Variants in DIAPH3 observed in about 807,000 individuals in gnomAD.
DIAPH3 encodes the protein diaphanous related formin 3.
In DIAPH3, 117 loss-of-function variants were observed where a neutral mutation model predicts 144.3. The observed-to-expected ratio is 0.81, with a 90% confidence interval of 0.70 to 0.95. DIAPH3 has a LOEUF of 0.95. DIAPH3 is among the 40% of genes least tolerant of loss of function. DIAPH3 has a pLI of 0.00. For synonymous variants in DIAPH3, 519 were observed against 488.9 expected (o/e 1.06, Z -0.81); for missense variants, 1,421 against 1,412.7 (o/e 1.01, Z -0.09).
At chr13:59,672,169 G>A (rs1360865151) in intron 27 of DIAPH3, among the ~76,000 whole-genome samples, 3 of 152,194 alleles carry the variant, frequency 2.0e-5, no homozygotes, top group East Asian at 3.9e-4. Context: ...CCTGGCGGAC[G>A]GCCCTTGGGG....
At chr13:59,800,767 C>G (rs2039863646) in intron 25 of DIAPH3, among the ~76,000 whole-genome samples, 1 of 152,142 alleles carries the variant, frequency 6.6e-6, no homozygotes, top group Non-Finnish European at 1.5e-5. Flanking sequence ...CATCTTTGCT[C>G]AAGTGTGAAC....
chr13:59,744,373 A>C (rs1181614269), intron 27 of DIAPH3, among the ~76,000 whole-genome samples: 1 of 152,182 alleles, frequency 6.6e-6, no homozygotes, highest in Non-Finnish European at 1.5e-5. Context: ...GTTAGGCATT[A>C]GGGAATCAAC....
At chr13:60,096,307 A>C (rs1409718325) in intron 3 of DIAPH3, among the ~76,000 whole-genome samples, 8 of 152,244 alleles carry the variant, frequency 5.3e-5, no homozygotes, top group African/African-American at 1.7e-4. Flanking sequence ...ACCAAAAAAC[A>C]GAAAGCCCTT....
At chr13:60,005,818 C>T (rs922811045) in intron 9 of DIAPH3, among the ~76,000 whole-genome samples, 5 of 152,020 alleles carry the variant, frequency 3.3e-5, no homozygotes, top group Admixed American at 2.0e-4. Context: ...TTTTATGATA[C>T]GTTAATTTAG....
intron 16 of DIAPH3, among the ~76,000 whole-genome samples, chr13:59,970,323 T>C (rs945513407): frequency 6.6e-6 from 1 of 152,200 alleles, no homozygotes; most frequent in Non-Finnish European, 1.5e-5. Flanking sequence ...TTTCTCATAG[T>C]CTCTAATAAT....
intron 9 of DIAPH3, among the ~76,000 whole-genome samples, chr13:59,993,553 A>T (rs2051976275): frequency 6.6e-6 from 1 of 151,552 alleles, no homozygotes; most frequent in Non-Finnish European, 1.5e-5. Flanking sequence ...AGAATTCTCA[A>T]TTCCTGCTGT....
intron 17 of DIAPH3, among the ~76,000 whole-genome samples, chr13:59,945,955 A>C (rs1247674366): frequency 1.3e-5 from 2 of 152,138 alleles, no homozygotes. Flanking sequence ...GAAGACGAAC[A>C]CTCTGGCTTA....
intron 14 of DIAPH3, among the ~76,000 whole-genome samples, chr13:59,978,384 T>C (rs554035054): frequency 3.0e-4 from 46 of 151,788 alleles, no homozygotes; most frequent in African/African-American, 1.0e-3. Flanking sequence ...AAAAATTACG[T>C]TCTTATGAGA....
intron 4 of DIAPH3, among the ~76,000 whole-genome samples, chr13:60,055,703 A>G (rs1847735417): frequency 1.3e-5 from 2 of 151,922 alleles, no homozygotes; most frequent in Non-Finnish European, 2.9e-5. Flanking sequence ...GAATATCTAC[A>G]GTATATTACC....
At chr13:59,956,308 C>T (rs7988483) in intron 17 of DIAPH3, among the ~76,000 whole-genome samples, 1 of 152,144 alleles carries the variant, frequency 6.6e-6, no homozygotes, top group Non-Finnish European at 1.5e-5. Flanking sequence ...AAAATGATTT[C>T]GTAGGCGGGC....
chr13:60,046,743 C>G (rs982067501), intron 4 of DIAPH3, among the ~76,000 whole-genome samples: 1 of 152,068 alleles, frequency 6.6e-6, no homozygotes. Flanking sequence ...CAATGATAGA[C>G]TGGATAAAGA....
chr13:59,714,977 GAGA>G (rs143668944), intron 27 of DIAPH3, among the ~76,000 whole-genome samples: 14,721 of 152,126 alleles, frequency 0.097, 1,090 homozygotes, highest in East Asian at 0.37. Flanking sequence ...AGGGAGCAGG[GAGA>G]AGAATGAAAA....
At chr13:60,142,025 GA>G (rs2059435692) in intron 1 of DIAPH3, among the ~76,000 whole-genome samples, 1 of 152,208 alleles carries the variant, frequency 6.6e-6, no homozygotes, top group South Asian at 2.1e-4. Context: ...TGATGTTCAA[GA>G]AACAAGGGAG....
intron 5 of DIAPH3, among the ~76,000 whole-genome samples, chr13:60,036,778 T>TA (rs1381175160): frequency 6.6e-6 from 1 of 151,938 alleles, no homozygotes; most frequent in Admixed American, 6.6e-5. Flanking sequence ...CATGCAAATC[T>TA]AAAAAACATA....
intron 9 of DIAPH3, among the ~76,000 whole-genome samples, chr13:59,999,457 A>G (rs919099311): frequency 1.3e-5 from 2 of 152,058 alleles, no homozygotes; most frequent in African/African-American, 4.8e-5. Context: ...GTTAAGGAAA[A>G]ATTTAACTAT....
chr13:60,133,545 C>A (rs1402082732), intron 1 of DIAPH3, among the ~76,000 whole-genome samples: 1 of 152,050 alleles, frequency 6.6e-6, no homozygotes, highest in East Asian at 1.9e-4. Context: ...CTATTTGCAT[C>A]TTTAACATCA....
chr13:60,003,566 G>T (rs2052660719), intron 9 of DIAPH3, among the ~76,000 whole-genome samples: 1 of 149,962 alleles, frequency 6.7e-6, no homozygotes, highest in Admixed American at 6.7e-5. Context: ...TAGATAGATA[G>T]ATATAGATAT....
intron 25 of DIAPH3, among the ~76,000 whole-genome samples, chr13:59,777,671 C>T (rs1412642104): frequency 6.6e-6 from 1 of 152,052 alleles, no homozygotes; most frequent in Admixed American, 6.5e-5. Context: ...TAGCACTTCG[C>T]ACAAAAATAT....
intron 1 of DIAPH3, among the ~76,000 whole-genome samples, chr13:60,149,434 C>T (rs568772473): frequency 1.5e-4 from 23 of 152,230 alleles, no homozygotes; most frequent in African/African-American, 4.6e-4. Flanking sequence ...GGGTGCTTGA[C>T]ATACACACAG....
Sources: gnomAD v4.1 joint callset for allele counts (sites outside exome capture counted in the v4.1 genomes callset) on GRCh38, gnomAD v4.1.1 for gene constraint, MANE v1.5 for transcripts, NCBI Gene and HGNC (gene_info 2026-07-23, HGNC 2026-07-21) for gene names.